Variants in GMDS observed in about 807,000 individuals in gnomAD.
GMDS encodes GDP-mannose 4,6 dehydratase.
In GMDS, 20 loss-of-function variants were observed where a neutral mutation model predicts 49.9. The ratio of observed to expected loss-of-function variants is 0.40; its 90% CI spans 0.28 to 0.58. The LOEUF (loss-of-function observed/expected upper bound fraction) is 0.58, where lower values mean the gene tolerates loss of function less well. Among genes scored for constraint, GMDS ranks in the 20% least tolerant of loss-of-function variants. The probability of loss-of-function intolerance (pLI) is 0.42; values close to 1 mark genes in which losing one functional copy is unlikely to be tolerated. For missense variants in GMDS, 362 were observed against 481.4 expected, an observed-to-expected ratio of 0.75 and a Z score of 2.32; for synonymous variants, 177 against 178.6, an observed-to-expected ratio of 0.99 and a Z score of 0.07.
At chr6:1,652,050 A>G (rs1467993502) in intron 9 of GMDS, among the ~76,000 whole-genome samples, 1 of 151,810 alleles carries the variant, frequency 6.6e-6, no homozygotes, top group Non-Finnish European at 1.5e-5. Context: ...GGTGGAACTG[A>G]GAGAGCTAAG....
At chr6:2,011,904 A>G (rs1767584847) in intron 4 of GMDS, among the ~76,000 whole-genome samples, 1 of 152,194 alleles carries the variant, frequency 6.6e-6, no homozygotes, top group Non-Finnish European at 1.5e-5. Flanking sequence ...CTACAGCAAG[A>G]CTCTGTCTTC....
Position 1,712,482 on chromosome 6 carries a change from C to T in GMDS, c.987+13934G>A, listed in dbSNP as rs181033255. Among the ~76,000 whole-genome samples the T allele has an allele frequency of 1.5e-3, 228 of 152,304 alleles. 1 individual carries two copies. Among genetic ancestry groups the T allele is most frequent in the African/African-American group, 5.0e-3 (207 of 41,548 alleles). On this transcript the variant is annotated intron_variant, in intron 9 of 10. Coordinates refer to ENST00000380815, the MANE Select transcript of GMDS (RefSeq NM_001500.4). ...TTCCTTCAGATGAATAAACTGATAT[C>T]GATGGTTTACATAAACAACAGAAAC...
At position 1,656,486 on chromosome 6, in the gene GMDS, G is replaced by A. The variant is rs552117561; in HGVS notation, c.988-31946C>T. Among the ~76,000 whole-genome samples, 124 of 152,212 alleles carry A rather than the reference G, an allele frequency of 8.1e-4. 1 individual carries two copies. The highest frequency in any genetic ancestry group is 2.9e-3 in the African/African-American group (119 of 41,534). The stretch of plus-strand genomic sequence containing the variant: ...ACACAAATTCACATTTTCTGGGGCC[G>A]GGAGTGGTGGCTCATGCCTGTAATC... On this transcript the variant is annotated intron_variant, in intron 9 of 10. Transcript: ENST00000380815.
intron 7 of GMDS, among the ~76,000 whole-genome samples, chr6:1,916,009 C>T (rs1459610578): frequency 1.3e-5 from 2 of 152,212 alleles, no homozygotes; most frequent in African/African-American, 4.8e-5. Flanking sequence ...AGACATGTCC[C>T]GCCCAGCCAC....
chr6:1,899,628 A>G (rs907942569), intron 7 of GMDS, among the ~76,000 whole-genome samples: 1 of 152,234 alleles, frequency 6.6e-6, no homozygotes, highest in Non-Finnish European at 1.5e-5. Flanking sequence ...TATAAAAAAT[A>G]TTACATTTCA....
intron 7 of GMDS, among the ~76,000 whole-genome samples, chr6:1,913,139 T>C (rs909260957): frequency 2.0e-5 from 3 of 151,980 alleles, no homozygotes; most frequent in African/African-American, 7.2e-5. Context: ...CCCAGCACTT[T>C]GGGAGGCCGA....
intron 1 of GMDS, among the ~76,000 whole-genome samples, chr6:2,161,751 C>A (rs758551898): frequency 6.6e-6 from 1 of 152,106 alleles, no homozygotes; most frequent in African/African-American, 2.4e-5. Context: ...CCAAAGGACC[C>A]CTTTAAGGGA....
At chr6:1,898,770 G>A (rs1163464065) in intron 7 of GMDS, among the ~76,000 whole-genome samples, 1 of 152,214 alleles carries the variant, frequency 6.6e-6, no homozygotes, top group Non-Finnish European at 1.5e-5. Context: ...GGAAGGTGCT[G>A]TGAGAATCAA....
At chr6:2,146,642 C>T (rs1208275475) in intron 1 of GMDS, among the ~76,000 whole-genome samples, 1 of 152,110 alleles carries the variant, frequency 6.6e-6, no homozygotes, top group Non-Finnish European at 1.5e-5. Flanking sequence ...TTCTTTTGTA[C>T]TCTGTATTCT....
rs528175248 is a variant in GMDS, at chr6:2,034,668, C to T, written c.346-73702G>A. ...ATCTAGAACAACAGTTCTCAAAGTA[C>T]GGTCTGGAAGTCCAGAGAGTGTCCA... On this transcript the variant is annotated intron_variant, in intron 4 of 10. Transcript: ENST00000380815. Among the ~76,000 whole-genome samples, 6 of 152,290 alleles carry T rather than the reference C, an allele frequency of 3.9e-5. No homozygotes were observed. The South Asian group carries it at 6.2e-4, about 16-fold the overall frequency.
rs117147799 is a variant in GMDS at position 1,635,582 on chromosome 6, G to A, written c.988-11042C>T. On this transcript the variant is annotated intron_variant, in intron 9 of 10. Transcript: ENST00000380815. The surrounding 1 kb of genome is among the most constrained non-coding windows in gnomAD (Gnocchi z 4.7). ...GTGGGGACTCCGAGGGCGACACTGT[G>A]CGGCGACCCTTGGCAGGTGCTTTGT... Among the ~76,000 whole-genome samples the A allele has an allele frequency of 1.4e-3, 215 of 152,340 alleles. 2 individuals are homozygous for A. The East Asian group carries it at 0.031, about 22-fold the overall frequency.
chr6:1,690,703 C>A (rs1256271974), intron 9 of GMDS, among the ~76,000 whole-genome samples: 2 of 152,182 alleles, frequency 1.3e-5, no homozygotes, highest in Non-Finnish European at 2.9e-5. Context: ...GGGCAAAGGA[C>A]ACAAACACAC....
chr6:1,768,104 A>T (rs1768428591), intron 7 of GMDS, among the ~76,000 whole-genome samples: 1 of 152,234 alleles, frequency 6.6e-6, no homozygotes, highest in South Asian at 2.1e-4. Context: ...CCAGAGGTAA[A>T]AATAAACATT....
At position 2,041,847 on chromosome 6, in the gene GMDS, G is replaced by A. The variant is rs73412537; in HGVS notation, c.345+73924C>T. On this transcript the variant is annotated intron_variant, in intron 4 of 10. Coordinates refer to ENST00000380815, the MANE Select transcript of GMDS (RefSeq NM_001500.4). ...TCTATTACAAATAGCAGCATGGACA[G>A]AAGTGGAGATAAAGTAAACAAATAC... Among the ~76,000 whole-genome samples, 1,165 of 152,338 alleles carry A rather than the reference G, an allele frequency of 7.6e-3. 11 individuals are homozygous for A. Among genetic ancestry groups the A allele is most frequent in the African/African-American group, 0.026 (1,097 of 41,574 alleles).
At chr6:2,137,190 GA>G (rs2127524272) in intron 1 of GMDS, among the ~76,000 whole-genome samples, 1 of 152,222 alleles carries the variant, frequency 6.6e-6, no homozygotes, top group African/African-American at 2.4e-5. Context: ...CTTATATTAT[GA>G]AAACCTTCAA....
chr6:1,920,878 C>T (rs1202364988), intron 7 of GMDS, among the ~76,000 whole-genome samples: 2 of 152,244 alleles, frequency 1.3e-5, no homozygotes, highest in Admixed American at 1.3e-4. Flanking sequence ...TAAGTGTGAA[C>T]AGTTCTTTAG....
At chr6:1,777,308 T>A (rs1280006121) in intron 7 of GMDS, among the ~76,000 whole-genome samples, 3 of 152,254 alleles carry the variant, frequency 2.0e-5, no homozygotes. Flanking sequence ...ATTCCACTAT[T>A]CCACACTGCT....
intron 1 of GMDS, among the ~76,000 whole-genome samples, chr6:2,137,012 T>TGTCA (rs1479976529): frequency 6.6e-6 from 1 of 152,160 alleles, no homozygotes; most frequent in African/African-American, 2.4e-5. Flanking sequence ...TTAACTCTTG[T>TGTCA]GTCAAGTCAG....
intron 4 of GMDS, among the ~76,000 whole-genome samples, chr6:2,114,948 A>AAAAC (rs36090625): frequency 0.32 from 47,620 of 150,412 alleles, 8,889 homozygotes; most frequent in East Asian, 0.49. Context: ...ATTAAATAGC[A>AAAAC]AAACAAACAA....
Sources: allele counts gnomAD v4.1 joint callset (sites outside exome capture counted in the v4.1 genomes callset), GRCh38; gene constraint gnomAD v4.1.1; non-coding constraint Gnocchi (gnomAD v3.1); transcripts MANE v1.5; gene names NCBI Gene and HGNC (gene_info 2026-07-23, HGNC 2026-07-21).